Variants in DENND4B observed in about 807,000 individuals in gnomAD.
DENND4B encodes the protein DENN domain containing 4B, also known as DENN domain-containing protein 4B.
Under a neutral mutation model 161.0 loss-of-function variants are expected in DENND4B, and 67 were observed. The ratio of observed to expected loss-of-function variants is 0.42; its 90% CI spans 0.34 to 0.51. The LOEUF is 0.51. DENND4B is among the 20% of genes least tolerant of loss of function. The pLI, the probability that DENND4B is intolerant of heterozygous loss-of-function variation, is 0.08. For missense variants in DENND4B, 1,481 were observed against 1,968.0 expected, an observed-to-expected ratio of 0.75 and a Z score of 4.68; for synonymous variants, 753 against 813.8, an observed-to-expected ratio of 0.93 and a Z score of 1.27.
intron 17 of DENND4B, 178 bp downstream of exon 17, chr1:153,935,882 C>T (rs1365218402): frequency 2.7e-6 from 2 of 728,998 alleles, no homozygotes; most frequent in Non-Finnish European, 4.4e-6. Context: ...TCAAAGCAGC[C>T]TCGTCTGAGA....
In DENND4B at chr1:153,934,110, G is replaced by C; in HGVS notation, c.2941+25C>G. Reference sequence around the variant, plus strand: ...GGTTAGGAAAGCTGACTGGGGGAGTGAGGGAGCCAGACAAGGGCACTCACT... The same window carrying C: ...GGTTAGGAAAGCTGACTGGGGGAGTCAGGGAGCCAGACAAGGGCACTCACT... On this transcript the variant is annotated intron_variant, in intron 19 of 27. Coordinates refer to ENST00000361217, the MANE Select transcript of DENND4B (RefSeq NM_014856.3). The surrounding 1 kb of genome is among the most constrained non-coding windows in gnomAD (Gnocchi z 5.3). 1.3e-6 allele frequency: 2 copies of C among 1,531,442 alleles called. No homozygotes were observed. Among genetic ancestry groups the C allele is most frequent in the Non-Finnish European group, 1.7e-6 (2 of 1,146,144 alleles). The allele number at this position is 1,531,442 out of a possible 1,614,324, so 94.9% of individuals were successfully genotyped here.
At chr1:153,938,767 A>T (rs1474722552) in intron 13 of DENND4B, 133 bp downstream of exon 13, 2 of 488,118 alleles carry the variant, frequency 4.1e-6, no homozygotes, top group African/African-American at 4.0e-5. Flanking sequence ...ATAAATAAAT[A>T]AAATAAAATG....
Position 153,934,995 on chromosome 1 carries a change from T to C in DENND4B, c.2569-31A>G. 1 of 1,603,792 alleles carries C rather than the reference T, an allele frequency of 6.2e-7. No homozygotes were observed. Among genetic ancestry groups the C allele is most frequent in the Non-Finnish European group, 8.5e-7 (1 of 1,178,510 alleles). On this transcript the variant is annotated intron_variant, in intron 17 of 27. Transcript: ENST00000361217. This position sits in a 1 kb window ranked among gnomAD's most constrained non-coding sequence, Gnocchi z 5.3. ...AAGCACAGTGCCCATCAGGATGGCC[T>C]ACCTCGACACCCTAACCCTGCCTCA...
chr1:153,944,211 C>G lies in DENND4B; in HGVS notation c.164G>C (p.Arg55Thr), dbSNP rs1410938804. 3.1e-6 allele frequency: 5 copies of G among 1,608,596 alleles called. No individual in the cohort carries two copies. The highest frequency in any genetic ancestry group is 4.2e-6 in the Non-Finnish European group (5 of 1,177,448). Residue 55 changes from arginine to threonine, a missense_variant, in exon 2 of 28, where the codon AGG becomes ACG. Coordinates refer to ENST00000361217, the MANE Select transcript of DENND4B (RefSeq NM_014856.3). The surrounding 1 kb of genome is among the most constrained non-coding windows in gnomAD (Gnocchi z 4.8). ...CTGGGGCACTTCCTCGCCCAGTGCC[C>G]TAGCGATGACTGCCACATCTGTGAT... is the stretch of plus-strand genomic sequence containing the variant. ...EPITDVAVIA[R>T]ALGEEVPQGY...
intron 17 of DENND4B, chr1:153,935,177 G>A (rs1161444142): frequency 2.3e-6 from 2 of 860,852 alleles, no homozygotes; most frequent in Admixed American, 3.2e-5. Context: ...CAGAGGCAGT[G>A]GAGAAAATTT....
At chr1:153,935,431 C>T (rs1167752693) in intron 17 of DENND4B, among the ~76,000 whole-genome samples, 1 of 152,226 alleles carries the variant, frequency 6.6e-6, no homozygotes, top group African/African-American at 2.4e-5. Flanking sequence ...ACTGCAACCT[C>T]TGCCTCCCGG....
At chr1:153,945,281 T>G in intron 1 of DENND4B, 1 of 743,106 alleles carries the variant, frequency 1.3e-6, no homozygotes, top group Non-Finnish European at 2.0e-6. Context: ...GGGAGGTTAC[T>G]TCCTGAAACA....
At position 153,934,223 on chromosome 1, in the gene DENND4B, T is replaced by A; in HGVS notation, c.2853A>T (p.Pro951=). The change falls in exon 19 of 28, where the codon CCA becomes CCT. Residue 951 remains proline (P), a synonymous_variant. Transcript: ENST00000361217. This position sits in a 1 kb window ranked among gnomAD's most constrained non-coding sequence, Gnocchi z 5.3. ...TTWAGRSLRD[P]ASPPGRLVKS... is the part of the protein sequence containing the mutation. The stretch of plus-strand genomic sequence containing the variant: ...TCACCAGGCGTCCAGGGGGTGAGGC[T>A]GGGTCTCTCAGACTTCGCCCAGCCC... 1.2e-6 allele frequency: 2 copies of A among 1,604,878 alleles called. No homozygotes were observed. The highest frequency in any genetic ancestry group is 1.7e-6 in the Non-Finnish European group (2 of 1,176,320).
intron 12 of DENND4B, 140 bp downstream of exon 12, chr1:153,939,449 C>G (rs1231186864): frequency 2.2e-6 from 2 of 915,218 alleles, no homozygotes; most frequent in African/African-American, 3.3e-5. Context: ...TGGCTCAAAG[C>G]GGGTGCCCAT....
At chr1:153,941,775 G>T in intron 6 of DENND4B, 94 bp downstream of exon 6, 1 of 1,338,150 alleles carries the variant, frequency 7.5e-7, no homozygotes, top group Non-Finnish European at 1.0e-6. Flanking sequence ...CCTGTGCCCA[G>T]CCCTCCCCCC....
chr1:153,941,087 TAC>T, intron 8 of DENND4B, 39 bp from the exon 9 acceptor site: 1 of 1,555,162 alleles, frequency 6.4e-7, no homozygotes, highest in Non-Finnish European at 8.7e-7. Flanking sequence ...GTCACCAGGA[TAC>T]CCTGGGGACC....
chr1:153,936,409 T>C lies in DENND4B; in HGVS notation c.2439+133A>G, dbSNP rs1679333700. On this transcript the variant is annotated intron_variant, in intron 16 of 27. Coordinates refer to ENST00000361217, the MANE Select transcript of DENND4B (RefSeq NM_014856.3). The surrounding 1 kb of genome is among the most constrained non-coding windows in gnomAD (Gnocchi z 4.1). ...TGCTTATTCACTCGACGAATGTTTATAGATAATCTGCCCAGCTCTGGGGCT... is the reference window on the plus strand; with the variant it reads ...TGCTTATTCACTCGACGAATGTTTACAGATAATCTGCCCAGCTCTGGGGCT... 8.5e-7 allele frequency: 1 copy of C among 1,178,110 alleles called. No individual in the cohort carries two copies. The highest frequency in any genetic ancestry group is 2.7e-5 in the Admixed American group (1 of 37,176). The allele number at this position is 1,178,110 out of a possible 1,614,324, so 73.0% of individuals were successfully genotyped here. A position where few individuals can be genotyped will look rare whatever the true frequency, so the allele number is the denominator to read the frequency against.
chr1:153,935,803 G>C lies in DENND4B; in HGVS notation c.2568+257C>G, dbSNP rs1290026207. 9.6e-6 allele frequency: 4 copies of C among 417,492 alleles called. No homozygotes were observed. The East Asian group carries it at 1.9e-4, about 20-fold the overall frequency. 25.9% of individuals were successfully genotyped at this position (417,492 alleles called of 1,614,324 possible). On this transcript the variant is annotated intron_variant, in intron 17 of 27. Coordinates refer to ENST00000361217, the MANE Select transcript of DENND4B (RefSeq NM_014856.3). ...GATAAAATGATGTAAAATGTGTGATGCGTATGGACCCGTGCCTGGCTTAGC... is the reference window on the plus strand; with the variant it reads ...GATAAAATGATGTAAAATGTGTGATCCGTATGGACCCGTGCCTGGCTTAGC...
chr1:153,946,303 G>A lies in DENND4B; in HGVS notation c.-26C>T. On this transcript the variant is annotated splice_region_variant and 5_prime_UTR_variant, in exon 1 of 28. Transcript: ENST00000361217. The surrounding 1 kb of genome is among the most constrained non-coding windows in gnomAD (Gnocchi z 6.3). ...AGCCCGGTCCAGCCCCTACCTGCCT[G>A]TCCCGCGCTTCCCGGCCGGCCGGCC... The A allele has an allele frequency of 5.6e-6, 2 of 356,302 alleles. No individual in the cohort carries two copies. Among genetic ancestry groups the A allele is most frequent in the Non-Finnish European group, 1.0e-5 (2 of 198,626 alleles). The allele number at this position is 356,302 out of a possible 1,614,324, so 22.1% of individuals were successfully genotyped here. A position where few individuals can be genotyped will look rare whatever the true frequency, so the allele number is the denominator to read the frequency against.
chr1:153,932,160 T>A lies in DENND4B; in HGVS notation c.3996+44A>T. 6.5e-7 allele frequency: 1 copy of A among 1,539,610 alleles called. No individual in the cohort carries two copies. Among genetic ancestry groups the A allele is most frequent in the Non-Finnish European group, 8.9e-7 (1 of 1,122,382 alleles). On this transcript the variant is annotated intron_variant, in intron 24 of 27. Coordinates refer to ENST00000361217, the MANE Select transcript of DENND4B (RefSeq NM_014856.3). This position sits in a 1 kb window ranked among gnomAD's most constrained non-coding sequence, Gnocchi z 5.8. Reference sequence around the variant, plus strand: ...ACACAGTGGACAAATGGCTGAGAGATGAGGGAGGCACTTAGGAAACAGGGG... The same window carrying A: ...ACACAGTGGACAAATGGCTGAGAGAAGAGGGAGGCACTTAGGAAACAGGGG...
chr1:153,936,709 C>T lies in DENND4B; in HGVS notation c.2272G>A (p.Ala758Thr), dbSNP rs550263830. 47 of 1,608,384 alleles carry T rather than the reference C, an allele frequency of 2.9e-5. No homozygotes were observed. The South Asian group carries it at 4.1e-4, about 14-fold the overall frequency. Reference sequence around the variant, plus strand: ...CACCGGGCCCACAGCTCAGGCACAGCTGCTGACTTCTGTGCCATCCGCTGT... The same window carrying T: ...CACCGGGCCCACAGCTCAGGCACAGTTGCTGACTTCTGTGCCATCCGCTGT... ...VAQRMAQKSAAVPELWARCLL... is the reference protein window; with the variant it reads ...VAQRMAQKSATVPELWARCLL... The change falls in exon 16 of 28, where the codon GCT becomes ACT. Residue 758 changes from alanine to threonine, a missense_variant. By Grantham distance (58) the Ala-to-Thr change is moderately conservative (BLOSUM62 0). Transcript: ENST00000361217. This position sits in a 1 kb window ranked among gnomAD's most constrained non-coding sequence, Gnocchi z 4.1.
Position 153,936,469 on chromosome 1 carries a change from C to T in DENND4B, c.2439+73G>A. 2.8e-6 allele frequency: 4 copies of T among 1,443,414 alleles called. No homozygotes were observed. Among genetic ancestry groups the T allele is most frequent in the Non-Finnish European group, 3.7e-6 (4 of 1,082,616 alleles). The allele number at this position is 1,443,414 out of a possible 1,614,324, so 89.4% of individuals were successfully genotyped here. A position where few individuals can be genotyped will look rare whatever the true frequency, so the allele number is the denominator to read the frequency against. On this transcript the variant is annotated intron_variant, in intron 16 of 27. Transcript: ENST00000361217. This position sits in a 1 kb window ranked among gnomAD's most constrained non-coding sequence, Gnocchi z 4.1. The stretch of plus-strand genomic sequence containing the variant: ...CTTTCCTTAGTCTCCACCAAGTTTC[C>T]CTCTCACAGCCCTCTCCAGCTGCAC...
Position 153,934,306 on chromosome 1 carries a change from T to C in DENND4B, c.2774-4A>G. On this transcript the variant is annotated splice_region_variant and splice_polypyrimidine_tract_variant and intron_variant, in intron 18 of 27. Transcript: ENST00000361217. The surrounding 1 kb of genome is among the most constrained non-coding windows in gnomAD (Gnocchi z 5.3). ...GAAGGGCGCTCCAAATAGGGCTCTG[T>C]AAAAGACGAGAAGGGGTTTAGAGGC... 1.3e-6 allele frequency: 2 copies of C among 1,580,406 alleles called. No individual in the cohort carries two copies. The highest frequency in any genetic ancestry group is 1.7e-6 in the Non-Finnish European group (2 of 1,166,016).
rs2102018187 is a variant in DENND4B at position 153,933,922 on chromosome 1, C to T, written c.2942-51G>A. On this transcript the variant is annotated intron_variant, in intron 19 of 27. Coordinates refer to ENST00000361217, the MANE Select transcript of DENND4B (RefSeq NM_014856.3). The surrounding 1 kb of genome is among the most constrained non-coding windows in gnomAD (Gnocchi z 5.7). ...AGATGGACCCCAGCCTCTGCACCAA[C>T]TTCCCCTTTCCTGAATAAACACAAT... 2 of 1,581,644 alleles carry T rather than the reference C, an allele frequency of 1.3e-6. No homozygotes were observed. Among genetic ancestry groups the T allele is most frequent in the Non-Finnish European group, 1.7e-6 (2 of 1,171,264 alleles).
Sources: allele counts gnomAD v4.1 joint callset (sites outside exome capture counted in the v4.1 genomes callset), GRCh38; gene constraint gnomAD v4.1.1; non-coding constraint Gnocchi (gnomAD v3.1); transcripts MANE v1.5; gene names NCBI Gene and HGNC (gene_info 2026-07-23, HGNC 2026-07-21).